The following GRK5 variants were observed in gnomAD, a reference collection of about 807,000 sequenced individuals.
GRK5 encodes the protein G protein-coupled receptor kinase 5.
In GRK5, 40 loss-of-function variants were observed where a neutral mutation model predicts 78.4. That is an observed-to-expected ratio of 0.51 (90% CI 0.40 to 0.66). The LOEUF is 0.66. Ranked by LOEUF, GRK5 falls within the 30% of genes least tolerant of loss-of-function variation. The probability of loss-of-function intolerance (pLI) is 0.00; values close to 1 mark genes in which losing one functional copy is unlikely to be tolerated. For missense variants in GRK5, 598 were observed against 759.9 expected (o/e 0.79, Z 2.50); for synonymous variants, 289 against 296.8 (o/e 0.97, Z 0.27).
chr10:119,214,036 G>A (rs371980394), intron 1 of GRK5, among the ~76,000 whole-genome samples: 3 of 152,168 alleles, frequency 2.0e-5, no homozygotes, highest in East Asian at 1.9e-4. Context: ...CTGCAGTGGC[G>A]CAGTCTGGGC....
At chr10:119,254,379 G>C (rs968534739) in intron 1 of GRK5, among the ~76,000 whole-genome samples, 3 of 150,540 alleles carry the variant, frequency 2.0e-5, no homozygotes, top group Non-Finnish European at 2.9e-5. Context: ...ATTGTGATAA[G>C]TTTTAGATTT....
chr10:119,374,010 C>G (rs1334284671), intron 2 of GRK5, among the ~76,000 whole-genome samples: 1 of 152,052 alleles, frequency 6.6e-6, no homozygotes, highest in Non-Finnish European at 1.5e-5. Context: ...AAAAGTTTGC[C>G]TACCCTTGCC....
intron 2 of GRK5, among the ~76,000 whole-genome samples, chr10:119,338,381 GGAAA>G (rs1659630350): frequency 6.6e-6 from 1 of 152,128 alleles, no homozygotes; most frequent in African/African-American, 2.4e-5. Context: ...AAAATTATAA[GGAAA>G]GAAAGTCACC....
intron 3 of GRK5, among the ~76,000 whole-genome samples, chr10:119,386,147 A>C (rs1412969743): frequency 6.6e-6 from 1 of 152,222 alleles, no homozygotes; most frequent in East Asian, 1.9e-4. Context: ...GGCCTCCCAA[A>C]GTGGTGGGAT....
intron 1 of GRK5, among the ~76,000 whole-genome samples, chr10:119,284,084 A>G (rs1564876181): frequency 6.6e-6 from 1 of 152,170 alleles, no homozygotes; most frequent in South Asian, 2.1e-4. Flanking sequence ...CCTGCCCAAC[A>G]TCAAACAACC....
intron 2 of GRK5, among the ~76,000 whole-genome samples, chr10:119,344,912 TCC>T (rs1311400847): frequency 8.6e-5 from 12 of 139,412 alleles, no homozygotes; most frequent in Non-Finnish European, 1.9e-4. Flanking sequence ...CTTCCTTCCT[TCC>T]TTCCTTCCTT....
intron 1 of GRK5, among the ~76,000 whole-genome samples, chr10:119,314,494 G>C (rs1305344096): frequency 2.0e-5 from 3 of 152,178 alleles, no homozygotes; most frequent in African/African-American, 7.2e-5. Flanking sequence ...GTGCCCCCCA[G>C]ACCACCCCAC....
chr10:119,262,765 G>A (rs1465333675), intron 1 of GRK5, among the ~76,000 whole-genome samples: 2 of 152,158 alleles, frequency 1.3e-5, no homozygotes, highest in Non-Finnish European at 2.9e-5. Flanking sequence ...GGGAGTCAAG[G>A]AACCAGGGTT....
intron 1 of GRK5, among the ~76,000 whole-genome samples, chr10:119,225,766 G>A (rs552573914): frequency 1.3e-5 from 2 of 150,822 alleles, no homozygotes; most frequent in Non-Finnish European, 2.9e-5. Flanking sequence ...CTCCTCCTGG[G>A]TTCAAGCAAT....
At chr10:119,343,543 G>C (rs528895786) in intron 2 of GRK5, among the ~76,000 whole-genome samples, 3 of 152,242 alleles carry the variant, frequency 2.0e-5, no homozygotes, top group Non-Finnish European at 4.4e-5. Context: ...GGCCTGAGTC[G>C]AGGCCATGCT....
chr10:119,416,053 G>A (rs556728258), intron 4 of GRK5, among the ~76,000 whole-genome samples: 18 of 152,332 alleles, frequency 1.2e-4, no homozygotes, highest in Admixed American at 5.2e-4. Flanking sequence ...AGGCCTCTGG[G>A]TGTAGCTCTG....
intron 4 of GRK5, among the ~76,000 whole-genome samples, chr10:119,420,156 A>G (rs1390931559): frequency 6.6e-6 from 1 of 152,218 alleles, no homozygotes; most frequent in Non-Finnish European, 1.5e-5. Flanking sequence ...AATGGACACT[A>G]TAATAATAGC....
intron 1 of GRK5, chr10:119,211,487 T>C (rs960507850): frequency 6.6e-6 from 1 of 152,236 alleles, no homozygotes. Context: ...CTAGATCTGT[T>C]GCCTTTCTTC....
intron 3 of GRK5, among the ~76,000 whole-genome samples, chr10:119,386,911 C>T (rs1351200768): frequency 6.6e-6 from 1 of 152,234 alleles, no homozygotes; most frequent in Non-Finnish European, 1.5e-5. Context: ...TCCCATCTCT[C>T]TGTTGAATTT....
intron 2 of GRK5, among the ~76,000 whole-genome samples, chr10:119,334,254 T>C (rs1850835936): frequency 6.6e-6 from 1 of 152,072 alleles, no homozygotes; most frequent in East Asian, 1.9e-4. Flanking sequence ...TACAGTGAGC[T>C]ATGAATGTGC....
At chr10:119,239,387 A>G (rs552310574) in intron 1 of GRK5, among the ~76,000 whole-genome samples, 1 of 152,152 alleles carries the variant, frequency 6.6e-6, no homozygotes, top group East Asian at 1.9e-4. Flanking sequence ...GGCACCTGCC[A>G]CCGTACTTGA....
At chr10:119,306,930 C>T (rs1850281184) in intron 1 of GRK5, among the ~76,000 whole-genome samples, 1 of 152,052 alleles carries the variant, frequency 6.6e-6, no homozygotes, top group Admixed American at 6.5e-5. Flanking sequence ...TAAAAAAATG[C>T]TGTGTGACCT....
chr10:119,293,373 A>G (rs1433868496), intron 1 of GRK5, among the ~76,000 whole-genome samples: 1 of 152,202 alleles, frequency 6.6e-6, no homozygotes, highest in East Asian at 1.9e-4. Flanking sequence ...TAGCTAACAG[A>G]TGCTAAGCTC....
intron 4 of GRK5, among the ~76,000 whole-genome samples, chr10:119,418,396 G>A (rs1426195729): frequency 6.6e-6 from 1 of 152,142 alleles, no homozygotes; most frequent in Non-Finnish European, 1.5e-5. Context: ...CTCACAGCCC[G>A]CAGTTCCTCA....
Sources: gnomAD v4.1 joint callset for allele counts (sites outside exome capture counted in the v4.1 genomes callset) on GRCh38, gnomAD v4.1.1 for gene constraint, MANE v1.5 for transcripts, NCBI Gene and HGNC (gene_info 2026-07-23, HGNC 2026-07-21) for gene names.